Variants in NBAS observed in about 807,000 individuals in gnomAD.
NBAS encodes the protein NAG/BC035112 fusion.
In NBAS, 219 loss-of-function variants were observed where a neutral mutation model predicts 302.5. The ratio of observed to expected loss-of-function variants is 0.72; its 90% CI spans 0.65 to 0.81. NBAS has a LOEUF of 0.81. Ranked by LOEUF, NBAS falls within the 30% of genes least tolerant of loss-of-function variation. The probability of loss-of-function intolerance (pLI) is 0.00; values close to 1 mark genes in which losing one functional copy is unlikely to be tolerated. For missense variants in NBAS, 2,932 were observed against 2,841.6 expected, an observed-to-expected ratio of 1.03 and a Z score of -0.72; for synonymous variants, 1,118 against 1,021.6, an observed-to-expected ratio of 1.09 and a Z score of -1.80.
chr2:14,899,642 G>T, the NBAS span, among the ~76,000 whole-genome samples: 1 of 152,052 alleles, frequency 6.6e-6, no homozygotes, highest in Non-Finnish European at 1.5e-5. Context: ...GACTTGATGT[G>T]ATCATAACCA....
At chr2:14,840,933 GC>G in the NBAS span, among the ~76,000 whole-genome samples, 14 of 152,130 alleles carry the variant, frequency 9.2e-5, no homozygotes, top group African/African-American at 2.9e-4. Context: ...CTGGTATGAA[GC>G]CAGACAGACA....
chr2:15,506,256 A>C lies in NBAS; in HGVS notation c.886-2043T>G, dbSNP rs1160585534. Among the ~76,000 whole-genome samples the C allele has an allele frequency of 2.0e-5, 3 of 151,952 alleles. No individual in the cohort carries two copies. The East Asian group carries it at 5.8e-4, about 29-fold the overall frequency. ...AACTTTACAGAAACAGAAAATGGAA[A>C]AAATAGAAATAGAAAAAAATCTGAA... On this transcript the variant is annotated intron_variant, in intron 10 of 51. Coordinates refer to ENST00000281513, the MANE Select transcript of NBAS (RefSeq NM_015909.4).
chr2:14,788,907 T>C, the NBAS span, among the ~76,000 whole-genome samples: 1 of 152,214 alleles, frequency 6.6e-6, no homozygotes, highest in Non-Finnish European at 1.5e-5. Context: ...CTGCTGTCTT[T>C]TTGTTTGTCT....
chr2:15,237,302 C>A (rs1667638402), intron 45 of NBAS, among the ~76,000 whole-genome samples: 1 of 151,960 alleles, frequency 6.6e-6, no homozygotes, highest in Non-Finnish European at 1.5e-5. Flanking sequence ...AGTCCTAACA[C>A]CTGCGTTTTC....
intron 50 of NBAS, among the ~76,000 whole-genome samples, chr2:15,180,923 T>C (rs1383353939): frequency 2.0e-5 from 3 of 152,200 alleles, no homozygotes; most frequent in Non-Finnish European, 2.9e-5. Flanking sequence ...AGTTTAAAAA[T>C]GCACAGAAAA....
intron 10 of NBAS, among the ~76,000 whole-genome samples, chr2:15,509,904 C>T (rs1282997862): frequency 6.6e-6 from 1 of 152,078 alleles, no homozygotes; most frequent in East Asian, 1.9e-4. Flanking sequence ...GGCTGGAGTG[C>T]AGTGGCACAA....
the NBAS span, among the ~76,000 whole-genome samples, chr2:15,012,863 T>G: frequency 7.3e-6 from 1 of 136,908 alleles, no homozygotes; most frequent in South Asian, 2.4e-4. Context: ...AACTATGGAA[T>G]TTTTTTTTTT....
intron 48 of NBAS, among the ~76,000 whole-genome samples, chr2:15,194,246 T>C (rs561958668): frequency 6.6e-6 from 1 of 152,156 alleles, no homozygotes; most frequent in East Asian, 1.9e-4. Flanking sequence ...AAGAAATTCA[T>C]GCCAAGTTAC....
the NBAS span, among the ~76,000 whole-genome samples, chr2:15,120,429 A>G: frequency 6.6e-6 from 1 of 152,174 alleles, no homozygotes; most frequent in East Asian, 1.9e-4. Flanking sequence ...TTTCCACTTC[A>G]GGTATGTCAG....
chr2:15,294,862 T>C (rs888678652), intron 40 of NBAS, among the ~76,000 whole-genome samples: 4 of 152,232 alleles, frequency 2.6e-5, no homozygotes, highest in Admixed American at 2.0e-4. Context: ...CTTTTCTTCA[T>C]GTATATTCTC....
intron 10 of NBAS, among the ~76,000 whole-genome samples, chr2:15,504,777 G>A (rs778251485): frequency 3.9e-5 from 6 of 152,056 alleles, no homozygotes; most frequent in Admixed American, 6.6e-5. Flanking sequence ...ACATAAAACC[G>A]TACAGCCACT....
the NBAS span, among the ~76,000 whole-genome samples, chr2:15,090,321 T>G: frequency 6.6e-6 from 1 of 152,186 alleles, no homozygotes; most frequent in Non-Finnish European, 1.5e-5. Context: ...CTCCAAGATT[T>G]CTCCAGCTCA....
chr2:15,025,868 T>C, the NBAS span, among the ~76,000 whole-genome samples: 1 of 152,166 alleles, frequency 6.6e-6, no homozygotes, highest in Non-Finnish European at 1.5e-5. Context: ...TTTGAGCAGA[T>C]ACTATGGGAT....
intron 19 of NBAS, 60 bp from the exon 20 acceptor site, chr2:15,461,851 G>A (rs1679520879): frequency 1.1e-6 from 1 of 924,188 alleles, no homozygotes. Context: ...TGGGTGACAA[G>A]AAAATATTAA....
chr2:14,927,314 C>T, the NBAS span, among the ~76,000 whole-genome samples: 1 of 152,182 alleles, frequency 6.6e-6, no homozygotes, highest in Non-Finnish European at 1.5e-5. Flanking sequence ...ATCCAAAGTA[C>T]ACTCATACAA....
At chr2:14,975,691 G>C in the NBAS span, among the ~76,000 whole-genome samples, 3 of 152,148 alleles carry the variant, frequency 2.0e-5, no homozygotes, top group Admixed American at 2.0e-4. Context: ...GCTTCCTGCA[G>C]CTTGAAGCCT....
chr2:15,499,750 C>T (rs568692350), intron 11 of NBAS, among the ~76,000 whole-genome samples: 1 of 151,960 alleles, frequency 6.6e-6, no homozygotes, highest in East Asian at 1.9e-4. Context: ...GCACAGGTAC[C>T]CCTGAACTTA....
intron 48 of NBAS, among the ~76,000 whole-genome samples, chr2:15,191,267 T>C (rs1444133561): frequency 1.3e-5 from 2 of 152,218 alleles, no homozygotes; most frequent in Non-Finnish European, 2.9e-5. Context: ...CCTGTATACA[T>C]GCTACATTGT....
At chr2:15,475,920 A>C in intron 13 of NBAS, 40 bp from the exon 14 acceptor site, 8 of 1,477,070 alleles carry the variant, frequency 5.4e-6, no homozygotes, top group Non-Finnish European at 7.5e-6. Context: ...TGCATCTGCT[A>C]ATGTGGTTTA....
Sources: gnomAD v4.1 joint callset for allele counts (sites outside exome capture counted in the v4.1 genomes callset) on GRCh38, gnomAD v4.1.1 for gene constraint, MANE v1.5 for transcripts, NCBI Gene and HGNC (gene_info 2026-07-23, HGNC 2026-07-21) for gene names.